The following ALKBH1 variants were observed in gnomAD, a reference collection of about 807,000 sequenced individuals.
ALKBH1 encodes nucleic acid dioxygenase ALKBH1.
A neutral mutation model predicts 36.6 loss-of-function variants in ALKBH1; 31 were observed. That is an observed-to-expected ratio of 0.85 (90% CI 0.64 to 1.14). The LOEUF is 1.14. Ranked by LOEUF, ALKBH1 falls within the 50% of genes most tolerant of loss-of-function variation. The pLI, the probability that ALKBH1 is intolerant of heterozygous loss-of-function variation, is 0.00. For missense variants in ALKBH1, 490 were observed against 497.3 expected (o/e 0.99, Z 0.14); for synonymous variants, 183 against 186.6 (o/e 0.98, Z 0.16).
chr14:77,707,610 C>T (rs2080402628), intron 1 of ALKBH1, among the ~76,000 whole-genome samples: 1 of 152,180 alleles, frequency 6.6e-6, no homozygotes, highest in South Asian at 2.1e-4. Context: ...TGAGCGCCCC[C>T]GCCAGGAATG....
chr14:77,704,340 T>C (rs1487834757), intron 2 of ALKBH1, 29 bp downstream of exon 2: 6 of 1,482,094 alleles, frequency 4.0e-6, no homozygotes, highest in Middle Eastern at 1.7e-4. Context: ...TTGAGTGATA[T>C]TGCCTTCTCT....
At chr14:77,680,044 GT>G (rs1428798367) in intron 3 of ALKBH1, 74 bp from the exon 4 acceptor site, 1 of 1,193,972 alleles carries the variant, frequency 8.4e-7, no homozygotes, top group Non-Finnish European at 1.3e-6. Context: ...GGACTCTGGA[GT>G]TAAAATTTAG....
At chr14:77,681,522 C>T (rs963287657) in intron 3 of ALKBH1, among the ~76,000 whole-genome samples, 1 of 152,230 alleles carries the variant, frequency 6.6e-6, no homozygotes, top group Non-Finnish European at 1.5e-5. Flanking sequence ...ACAGAGTTTA[C>T]ATTCTAAGAA....
At position 77,673,974 on chromosome 14, in the gene ALKBH1, G is replaced by A. The variant is rs199787790; in HGVS notation, c.1008C>T (p.Thr336=). The change falls in exon 6 of 6, where the codon ACC becomes ACT. Residue 336 remains threonine (T), a synonymous_variant. Coordinates refer to ENST00000216489, the MANE Select transcript of ALKBH1 (RefSeq NM_006020.3). ...DWQVCASYLK[T]ARVNMTVRQV... ...GTCGGACAGTCATGTTAACACGAGC[G>A]GTCTTCAAGTAGCTGGCACACACCT... 28 of 1,614,136 alleles carry A rather than the reference G, an allele frequency of 1.7e-5. No homozygotes were observed. The highest frequency in any genetic ancestry group is 8.8e-5 in the South Asian group (8 of 91,078).
At chr14:77,676,990 G>T (rs573538491) in intron 4 of ALKBH1, among the ~76,000 whole-genome samples, 12 of 151,822 alleles carry the variant, frequency 7.9e-5, no homozygotes, top group African/African-American at 2.4e-4. Context: ...TTACACCTAA[G>T]GATCACAAAT....
At chr14:77,685,932 G>A (rs2080265987) in intron 3 of ALKBH1, among the ~76,000 whole-genome samples, 2 of 152,130 alleles carry the variant, frequency 1.3e-5, no homozygotes, top group African/African-American at 4.8e-5. Context: ...CATTTTGGGG[G>A]CAATGACATA....
chr14:77,679,605 AT>A (rs2080225580), intron 4 of ALKBH1, among the ~76,000 whole-genome samples: 1 of 151,936 alleles, frequency 6.6e-6, no homozygotes, highest in Admixed American at 6.6e-5. Context: ...AAACTTTTGT[AT>A]TTTTTGTAAA....
At chr14:77,674,953 C>T (rs1265069543) in intron 5 of ALKBH1, among the ~76,000 whole-genome samples, 1 of 152,022 alleles carries the variant, frequency 6.6e-6, no homozygotes, top group African/African-American at 2.4e-5. Flanking sequence ...AGGCACTTTC[C>T]CGAGATGCAG....
chr14:77,697,528 T>C (rs534781149), intron 2 of ALKBH1, among the ~76,000 whole-genome samples: 45 of 152,072 alleles, frequency 3.0e-4, no homozygotes, highest in South Asian at 1.9e-3. Flanking sequence ...GAAGTGTGTA[T>C]GAAGATAGCG....
At chr14:77,705,411 G>GAAAAAAAAAAAAAAA (rs56123313) in intron 1 of ALKBH1, among the ~76,000 whole-genome samples, 1 of 113,392 alleles carries the variant, frequency 8.8e-6, no homozygotes, top group Admixed American at 9.4e-5. Context: ...CTCCGTCTAA[G>GAAAAAAAAAAAAAAA]AAAAAAAAAA....
chr14:77,685,197 C>T (rs141073194), intron 3 of ALKBH1, among the ~76,000 whole-genome samples: 8,099 of 152,248 alleles, frequency 0.053, 287 homozygotes, highest in Non-Finnish European at 0.08. Flanking sequence ...AATCCCAGCA[C>T]TTTGGGAGGC....
chr14:77,698,344 AG>A (rs1321232755), intron 2 of ALKBH1, among the ~76,000 whole-genome samples: 5 of 152,210 alleles, frequency 3.3e-5, no homozygotes, highest in African/African-American at 7.2e-5. Context: ...TTTGAACTAA[AG>A]GAACTCCTCC....
rs1162659924 is a variant in ALKBH1, at chr14:77,679,899, T to C, written c.527A>G (p.His176Arg). Residue 176 changes from histidine (H) to arginine (R), a missense_variant, in exon 4 of 6, where the codon CAT becomes CGT. Transcript: ENST00000216489. ...EKLRWVTVGY[H>R]YNWDSKKYSA... ...GAATACCTTACTGTCCCAGTTATAA[T>C]GGTAGCCTACGGTCACCCAACGCAG... is the stretch of plus-strand genomic sequence containing the variant. 6.2e-7 allele frequency: 1 copy of C among 1,614,120 alleles called. No homozygotes were observed. The highest frequency in any genetic ancestry group is 8.5e-7 in the Non-Finnish European group (1 of 1,179,944).
At chr14:77,692,205 G>A (rs1233184782) in intron 3 of ALKBH1, among the ~76,000 whole-genome samples, 1 of 152,180 alleles carries the variant, frequency 6.6e-6, no homozygotes, top group Non-Finnish European at 1.5e-5. Flanking sequence ...TATTCAATAA[G>A]GAAAGAACTG....
At chr14:77,679,614 A>G (rs1375006905) in intron 4 of ALKBH1, among the ~76,000 whole-genome samples, 1 of 151,904 alleles carries the variant, frequency 6.6e-6, no homozygotes, top group African/African-American at 2.4e-5. Flanking sequence ...TATTTTTTGT[A>G]AAGACAGGGT....
At chr14:77,682,504 T>C (rs1178440161) in intron 3 of ALKBH1, among the ~76,000 whole-genome samples, 8 of 152,158 alleles carry the variant, frequency 5.3e-5, no homozygotes, top group Non-Finnish European at 1.0e-4. Context: ...ATCTCTAGGA[T>C]ACAAGAAAAT....
intron 5 of ALKBH1, 50 bp downstream of exon 5, chr14:77,675,606 A>C (rs2080200821): frequency 6.6e-7 from 1 of 1,507,908 alleles, no homozygotes; most frequent in Non-Finnish European, 9.0e-7. Context: ...TGTCTTAGAA[A>C]AAAGAATTAA....
intron 4 of ALKBH1, among the ~76,000 whole-genome samples, chr14:77,679,483 T>G (rs2080224829): frequency 6.6e-6 from 1 of 151,904 alleles, no homozygotes; most frequent in Non-Finnish European, 1.5e-5. Flanking sequence ...CAGGCTGGAG[T>G]GCAGTGGTGC....
chr14:77,680,034 G>A, intron 3 of ALKBH1, 64 bp from the exon 4 acceptor site: 1 of 1,256,496 alleles, frequency 8.0e-7, no homozygotes, highest in Admixed American at 1.7e-5. Context: ...CCGTTTGTAT[G>A]GACTCTGGAG....
Sources: gnomAD v4.1 joint callset for allele counts (sites outside exome capture counted in the v4.1 genomes callset) on GRCh38, gnomAD v4.1.1 for gene constraint, MANE v1.5 for transcripts, NCBI Gene and HGNC (gene_info 2026-07-23, HGNC 2026-07-21) for gene names.